TMEM185A: variants seen among roughly 807,000 people sequenced by gnomAD.
TMEM185A encodes transmembrane protein 185A.
TMEM185A carries 9 observed loss-of-function variants against 25.0 expected under a neutral mutation model. The ratio of observed to expected loss-of-function variants is 0.36; its 90% CI spans 0.22 to 0.63. The LOEUF is 0.63. TMEM185A is among the 20% of genes least tolerant of loss of function. The pLI is 0.68. For synonymous variants in TMEM185A, 45 were observed against 93.5 expected, an observed-to-expected ratio of 0.48 and a Z score of 2.99; for missense variants, 103 against 237.4, an observed-to-expected ratio of 0.43 and a Z score of 3.72.
chrX:149,631,477 C>G (rs2090192025), intron 1 of TMEM185A, 66 bp downstream of exon 1: 1 of 1,113,383 alleles, frequency 9.0e-7, no homozygotes, highest in Admixed American at 2.9e-5. Flanking sequence ...CTCCCCGGAG[C>G]CGAACACCAG....
chrX:149,614,090 T>C (rs2090098578), intron 1 of TMEM185A, among the ~76,000 whole-genome samples: 1 of 112,079 alleles, frequency 8.9e-6, no homozygotes, highest in Admixed American at 9.4e-5. Flanking sequence ...ACCTAATTAA[T>C]ATTAATGAGT....
intron 1 of TMEM185A, among the ~76,000 whole-genome samples, chrX:149,622,489 A>T (rs1340474076): frequency 8.9e-6 from 1 of 112,152 alleles, no homozygotes; most frequent in Non-Finnish European, 1.9e-5. Context: ...GAGAAAATTT[A>T]AAAAACAGCA....
intron 3 of TMEM185A, among the ~76,000 whole-genome samples, chrX:149,608,018 G>A (rs187071058): frequency 9.9e-4 from 111 of 111,968 alleles, no homozygotes; most frequent in Middle Eastern, 9.1e-3. Context: ...CTGTTCACCT[G>A]CCCTGGAGAT....
chrX:149,628,730 T>C (rs1215366175), intron 1 of TMEM185A, among the ~76,000 whole-genome samples: 1 of 111,971 alleles, frequency 8.9e-6, no homozygotes, highest in Non-Finnish European at 1.9e-5. Context: ...CTCTTCAAAG[T>C]AAATATAGCC....
intron 3 of TMEM185A, among the ~76,000 whole-genome samples, chrX:149,607,567 C>G (rs1324452070): frequency 8.9e-6 from 1 of 112,942 alleles, no homozygotes; most frequent in East Asian, 2.8e-4. Context: ...GCTCAATAAA[C>G]GTTATCTGCA....
At chrX:149,618,167 C>G (rs2090120211) in intron 1 of TMEM185A, among the ~76,000 whole-genome samples, 1 of 111,927 alleles carries the variant, frequency 8.9e-6, no homozygotes, top group Non-Finnish European at 1.9e-5. Flanking sequence ...GTATAAATAT[C>G]TGCTGAGCAG....
chrX:149,619,035 G>C (rs2090125550), intron 1 of TMEM185A, among the ~76,000 whole-genome samples: 1 of 111,724 alleles, frequency 9.0e-6, no homozygotes, highest in East Asian at 2.8e-4. Flanking sequence ...AACTCAACAA[G>C]TGGTAGTTTC....
intron 4 of TMEM185A, chrX:149,603,786 G>T: frequency 3.1e-6 from 1 of 324,270 alleles, no homozygotes; most frequent in Non-Finnish European, 5.5e-6. Flanking sequence ...GATACAAAAT[G>T]GTGCACACAG....
intron 1 of TMEM185A, among the ~76,000 whole-genome samples, chrX:149,623,355 C>T (rs1253391530): frequency 9.0e-6 from 1 of 111,282 alleles, no homozygotes; most frequent in Non-Finnish European, 1.9e-5. Flanking sequence ...AATATGGGGC[C>T]ACTGCAGATT....
intron 1 of TMEM185A, among the ~76,000 whole-genome samples, chrX:149,631,194 G>A (rs1053133831): frequency 9.1e-6 from 1 of 109,855 alleles, no homozygotes; most frequent in East Asian, 2.9e-4. Flanking sequence ...TGGAGGGCCC[G>A]CAGCGGCGCA....
chrX:149,631,529 C>A lies in TMEM185A; in HGVS notation c.38+14G>T, dbSNP rs782648581. ...CAGCGCGGACTCCCGGGGGCGCCAA[C>A]GACGCCGCCTCACCTCGGGTTGAAG... is the stretch of plus-strand genomic sequence containing the variant. On this transcript the variant is annotated intron_variant, in intron 1 of 6. Coordinates refer to ENST00000600449, the MANE Select transcript of TMEM185A (RefSeq NM_032508.4). 2.6e-6 allele frequency: 3 copies of A among 1,160,792 alleles called. No individual in the cohort carries two copies. Among genetic ancestry groups the A allele is most frequent in the South Asian group, 1.9e-5 (1 of 51,327 alleles).
At chrX:149,603,913 A>G in intron 4 of TMEM185A, 74 bp downstream of exon 4, 12 of 911,767 alleles carry the variant, frequency 1.3e-5, no homozygotes, top group Non-Finnish European at 1.8e-5. Context: ...GTCTTTTCCA[A>G]GCTTTGTACA....
rs190206627 is a variant in TMEM185A, at chrX:149,622,960, G to A, written c.38+8583C>T. 5.2e-3 allele frequency among the ~76,000 whole-genome samples: 582 copies of A among 112,468 alleles called. 7 individuals are homozygous for A. The highest frequency in any genetic ancestry group is 0.018 in the African/African-American group (559 of 30,989). On this transcript the variant is annotated intron_variant, in intron 1 of 6. Coordinates refer to ENST00000600449, the MANE Select transcript of TMEM185A (RefSeq NM_032508.4). ...TGATACTGTGATGCAAGCATACAAT[G>A]TGTAATGATCAAATCAGAGTAACTG...
At chrX:149,621,846 G>A (rs1467353076) in intron 1 of TMEM185A, among the ~76,000 whole-genome samples, 13 of 111,377 alleles carry the variant, frequency 1.2e-4, no homozygotes, top group Non-Finnish European at 2.3e-4. Context: ...TATATTTAAG[G>A]GCCCTGTAAT....
intron 1 of TMEM185A, among the ~76,000 whole-genome samples, chrX:149,614,767 A>G (rs1312796231): frequency 8.9e-6 from 1 of 112,000 alleles, no homozygotes. Flanking sequence ...TACAAATCCT[A>G]ATAATACTAA....
At chrX:149,605,823 C>T (rs73240496) in intron 3 of TMEM185A, among the ~76,000 whole-genome samples, 13,652 of 111,467 alleles carry the variant, frequency 0.12, 805 homozygotes, top group Non-Finnish European at 0.18. Context: ...CCAGCCCAAA[C>T]GCCCTGCAGG....
intron 1 of TMEM185A, among the ~76,000 whole-genome samples, chrX:149,621,586 T>C (rs183897240): frequency 8.4e-4 from 94 of 111,904 alleles, no homozygotes; most frequent in African/African-American, 3.0e-3. Context: ...AACCTAGTGG[T>C]TTAAAAGGCA....
At chrX:149,606,286 C>T (rs185884779) in intron 3 of TMEM185A, among the ~76,000 whole-genome samples, 6 of 112,502 alleles carry the variant, frequency 5.3e-5, no homozygotes, top group Admixed American at 4.7e-4. Flanking sequence ...CTTAAAGATA[C>T]GACGTCACTG....
At position 149,611,142 on chromosome X, in the gene TMEM185A, C is replaced by G. The variant is rs890703736; in HGVS notation, c.215+145G>C. 1.0e-5 allele frequency: 6 copies of G among 584,398 alleles called. No individual in the cohort carries two copies. In the East Asian group the frequency reaches 2.1e-4, roughly 20 times the overall value. 48.2% of individuals were successfully genotyped at this position (584,398 alleles called of 1,213,427 possible). A position where few individuals can be genotyped will look rare whatever the true frequency, so the allele number is the denominator to read the frequency against. The stretch of plus-strand genomic sequence containing the variant: ...ACCAAAGACTAAATTTTCAAAAACA[C>G]AGAAGAGATCTGTTAGCTTATACTA... On this transcript the variant is annotated intron_variant, in intron 2 of 6. Transcript: ENST00000600449.
Sources: allele counts gnomAD v4.1 joint callset (sites outside exome capture counted in the v4.1 genomes callset), GRCh38; gene constraint gnomAD v4.1.1; transcripts MANE v1.5; gene names NCBI Gene and HGNC (gene_info 2026-07-23, HGNC 2026-07-21).